EDIL3: variants seen among roughly 807,000 people sequenced by gnomAD.
EDIL3 encodes EGF like and discoidin domains 3.
In EDIL3, 37 loss-of-function variants were observed where a neutral mutation model predicts 67.4. The observed-to-expected ratio is 0.55, with a 90% confidence interval of 0.42 to 0.72. The LOEUF is 0.72. Ranked by LOEUF, EDIL3 falls within the 30% of genes least tolerant of loss-of-function variation. The pLI is 0.00. For missense variants in EDIL3, 527 were observed against 586.3 expected (o/e 0.90, Z 1.04); for synonymous variants, 195 against 196.3 (o/e 0.99, Z 0.05).
chr5:84,051,445 C>T (rs1450665126), intron 9 of EDIL3, among the ~76,000 whole-genome samples: 1 of 152,170 alleles, frequency 6.6e-6, no homozygotes, highest in Admixed American at 6.5e-5. Context: ...AGCAACGGAA[C>T]AAAGCTGGAC....
chr5:84,167,514 C>T (rs1748730733), intron 4 of EDIL3, among the ~76,000 whole-genome samples: 1 of 152,054 alleles, frequency 6.6e-6, no homozygotes, highest in Non-Finnish European at 1.5e-5. Context: ...CCTAATTTAG[C>T]ACAGATAAAA....
At chr5:84,233,496 C>T (rs1276946771) in intron 2 of EDIL3, among the ~76,000 whole-genome samples, 1 of 152,156 alleles carries the variant, frequency 6.6e-6, no homozygotes, top group African/African-American at 2.4e-5. Context: ...GGTTGTTTCA[C>T]GAGATTTCAA....
In EDIL3 at chr5:84,052,426, A is replaced by T. The variant is rs190831346; in HGVS notation, c.1137+7874T>A. ...CTAATGAGCAAAATAGCCAGCTAAC[A>T]TCATAATGACAGGATCAAATTCACA... On this transcript the variant is annotated intron_variant, in intron 9 of 10. Coordinates refer to ENST00000296591, the MANE Select transcript of EDIL3 (RefSeq NM_005711.5). Among the ~76,000 whole-genome samples, 291 of 149,276 alleles carry T rather than the reference A, an allele frequency of 1.9e-3. 1 individual carries two copies. Among genetic ancestry groups the T allele is most frequent in the Middle Eastern group, 0.01 (3 of 290 alleles).
chr5:84,260,780 G>C (rs1259945597), intron 1 of EDIL3, among the ~76,000 whole-genome samples: 2 of 151,928 alleles, frequency 1.3e-5, no homozygotes, highest in Non-Finnish European at 1.5e-5. Flanking sequence ...CATCATCCCT[G>C]CCCTCTCTCC....
intron 9 of EDIL3, among the ~76,000 whole-genome samples, chr5:84,003,488 G>A (rs1193101159): frequency 6.6e-6 from 1 of 152,154 alleles, no homozygotes; most frequent in Non-Finnish European, 1.5e-5. Flanking sequence ...GGCTGCAAAT[G>A]CGAGGAAATA....
intron 9 of EDIL3, among the ~76,000 whole-genome samples, chr5:84,023,048 A>C (rs1363727344): frequency 2.6e-5 from 4 of 151,982 alleles, no homozygotes; most frequent in Non-Finnish European, 5.9e-5. Context: ...AAATGAAAAC[A>C]ACTAAAGACA....
intron 9 of EDIL3, among the ~76,000 whole-genome samples, chr5:84,028,907 A>G (rs1745866911): frequency 6.6e-6 from 1 of 152,084 alleles, no homozygotes; most frequent in Non-Finnish European, 1.5e-5. Flanking sequence ...AGGTAATTGA[A>G]TCATGGGGGC....
chr5:84,204,505 T>G (rs1743916412), intron 3 of EDIL3, among the ~76,000 whole-genome samples: 1 of 152,124 alleles, frequency 6.6e-6, no homozygotes, highest in African/African-American at 2.4e-5. Context: ...AAATAAAAAT[T>G]TATTTCATTT....
At chr5:84,223,210 A>G (rs1038119934) in intron 3 of EDIL3, among the ~76,000 whole-genome samples, 1 of 151,768 alleles carries the variant, frequency 6.6e-6, no homozygotes, top group African/African-American at 2.4e-5. Context: ...AATCTGGTGC[A>G]GCCATTATGG....
intron 1 of EDIL3, among the ~76,000 whole-genome samples, chr5:84,257,776 G>T (rs1745147652): frequency 6.6e-6 from 1 of 152,154 alleles, no homozygotes; most frequent in African/African-American, 2.4e-5. Flanking sequence ...AAGTATGAAG[G>T]TTAATACTAT....
chr5:84,043,750 A>G (rs1229776843), intron 9 of EDIL3, among the ~76,000 whole-genome samples: 1 of 152,220 alleles, frequency 6.6e-6, no homozygotes, highest in East Asian at 1.9e-4. Flanking sequence ...ATGTGTATAC[A>G]TATGTACACA....
At chr5:84,277,640 T>A (rs1333549922) in intron 1 of EDIL3, among the ~76,000 whole-genome samples, 2 of 152,172 alleles carry the variant, frequency 1.3e-5, no homozygotes, top group Non-Finnish European at 2.9e-5. Flanking sequence ...CATTGATTCA[T>A]TCACTCAACA....
chr5:84,369,527 T>C (rs1266528325), intron 1 of EDIL3, among the ~76,000 whole-genome samples: 1 of 152,008 alleles, frequency 6.6e-6, no homozygotes, highest in Non-Finnish European at 1.5e-5. Context: ...CTTAGAGACT[T>C]AGAGTAGTCA....
chr5:84,233,379 C>G (rs935801861), intron 2 of EDIL3, among the ~76,000 whole-genome samples: 3 of 152,170 alleles, frequency 2.0e-5, no homozygotes, highest in African/African-American at 4.8e-5. Flanking sequence ...AATTCTGACT[C>G]TAACCCATCA....
At chr5:84,182,821 T>G (rs984467954) in intron 3 of EDIL3, among the ~76,000 whole-genome samples, 22 of 149,282 alleles carry the variant, frequency 1.5e-4, no homozygotes, top group South Asian at 1.1e-3. Flanking sequence ...TTTTTTTTTT[T>G]GTCAGCACCA....
At chr5:84,368,398 C>T (rs1371778139) in intron 1 of EDIL3, among the ~76,000 whole-genome samples, 7 of 152,092 alleles carry the variant, frequency 4.6e-5, no homozygotes, top group African/African-American at 1.7e-4. Flanking sequence ...GGTTCTTCAA[C>T]AAATGTTGCT....
At chr5:84,206,208 T>C (rs570600555) in intron 3 of EDIL3, among the ~76,000 whole-genome samples, 1 of 152,172 alleles carries the variant, frequency 6.6e-6, no homozygotes, top group African/African-American at 2.4e-5. Context: ...TCAGTTTCCA[T>C]GTAGTTGAGT....
chr5:84,050,330 A>G (rs1746309859), intron 9 of EDIL3, among the ~76,000 whole-genome samples: 1 of 152,098 alleles, frequency 6.6e-6, no homozygotes, highest in African/African-American at 2.4e-5. Flanking sequence ...ATGAGATTTG[A>G]GGCAGTTCCA....
intron 4 of EDIL3, among the ~76,000 whole-genome samples, chr5:84,157,795 T>C (rs1207621504): frequency 6.6e-6 from 1 of 152,050 alleles, no homozygotes; most frequent in African/African-American, 2.4e-5. Context: ...TTTTAATTAC[T>C]TCTTGTAGAG....
Sources: gnomAD v4.1 joint callset for allele counts (sites outside exome capture counted in the v4.1 genomes callset) on GRCh38, gnomAD v4.1.1 for gene constraint, MANE v1.5 for transcripts, NCBI Gene and HGNC (gene_info 2026-07-23, HGNC 2026-07-21) for gene names.